The following MYO18B variants were observed in gnomAD, a reference collection of about 807,000 sequenced individuals.
MYO18B encodes unconventional myosin-XVIIIb.
A neutral mutation model predicts 273.0 loss-of-function variants in MYO18B; 204 were observed. The ratio of observed to expected loss-of-function variants is 0.75; its 90% CI spans 0.67 to 0.84. The LOEUF is 0.84. Among genes scored for constraint, MYO18B ranks in the 40% least tolerant of loss-of-function variants. MYO18B has a pLI of 0.00. For missense variants in MYO18B, 3,212 were observed against 3,287.6 expected (o/e 0.98, Z 0.56); for synonymous variants, 1,330 against 1,305.7 (o/e 1.02, Z -0.40).
chr22:25,951,530 ACAAGAGATGGTCTGTG>A (rs990530592), intron 37 of MYO18B, among the ~76,000 whole-genome samples: 1 of 152,224 alleles, frequency 6.6e-6, no homozygotes, highest in Non-Finnish European at 1.5e-5. Flanking sequence ...GGCTCCAAGA[ACAAGAGATGGTCTGTG>A]CAAGACAGGA....
At chr22:25,999,664 C>CTTCTCCTCCTCG (rs1933752896) in intron 40 of MYO18B, among the ~76,000 whole-genome samples, 1 of 149,428 alleles carries the variant, frequency 6.7e-6, no homozygotes, top group Non-Finnish European at 1.5e-5. Flanking sequence ...CCTCCTCCTC[C>CTTCTCCTCCTCG]TTCTCCATCT....
At chr22:25,825,006 CAT>C (rs996607710) in intron 13 of MYO18B, among the ~76,000 whole-genome samples, 14 of 146,468 alleles carry the variant, frequency 9.6e-5, no homozygotes, top group African/African-American at 3.0e-4. Context: ...TATGTGTAAA[CAT>C]GTGCACAGAT....
At chr22:25,793,051 A>G (rs780967191) in intron 11 of MYO18B, among the ~76,000 whole-genome samples, 1 of 152,172 alleles carries the variant, frequency 6.6e-6, no homozygotes, top group Non-Finnish European at 1.5e-5. Flanking sequence ...GCAATGGGGA[A>G]CGGTGTCTCT....
chr22:25,944,051 A>T (rs970313564), intron 34 of MYO18B, among the ~76,000 whole-genome samples: 1 of 152,046 alleles, frequency 6.6e-6, no homozygotes, highest in African/African-American at 2.4e-5. Context: ...GTCTTAGCTT[A>T]AGTGCTTCTC....
At chr22:25,829,126 C>T (rs2089607636) in intron 15 of MYO18B, among the ~76,000 whole-genome samples, 158 bp downstream of exon 15, 1 of 152,214 alleles carries the variant, frequency 6.6e-6, no homozygotes, top group Admixed American at 6.5e-5. Context: ...CTCCCCAGAC[C>T]TCTGTTGCTC....
intron 29 of MYO18B, chr22:25,901,033 C>T (rs1205441546): frequency 2.0e-5 from 3 of 152,226 alleles, no homozygotes; most frequent in African/African-American, 7.2e-5. Context: ...GGACCTGACA[C>T]ACTGGGACTG....
intron 11 of MYO18B, among the ~76,000 whole-genome samples, chr22:25,790,419 C>T (rs1321217978): frequency 3.3e-5 from 5 of 152,210 alleles, no homozygotes; most frequent in Non-Finnish European, 2.9e-5. Flanking sequence ...CCCAAACCTC[C>T]GTCTAAGGAG....
intron 42 of MYO18B, among the ~76,000 whole-genome samples, chr22:26,021,390 A>G (rs757645465): frequency 1.1e-4 from 17 of 152,348 alleles, no homozygotes; most frequent in Middle Eastern, 3.4e-3. Context: ...TAACTTGAAC[A>G]TACATTTTAT....
intron 42 of MYO18B, among the ~76,000 whole-genome samples, chr22:26,007,549 A>G (rs368141884): frequency 4.6e-4 from 70 of 152,334 alleles, no homozygotes; most frequent in African/African-American, 1.6e-3. Flanking sequence ...GCAACCTTCA[A>G]TGTTCAGCCA....
intron 15 of MYO18B, 91 bp from the exon 16 acceptor site, chr22:25,832,826 G>C: frequency 8.9e-7 from 1 of 1,121,210 alleles, no homozygotes; most frequent in East Asian, 2.4e-5. Flanking sequence ...AAGAGGTGAT[G>C]GAAATCCTCT....
the MYO18B span, among the ~76,000 whole-genome samples, chr22:26,054,158 A>G: frequency 7.4e-4 from 113 of 152,324 alleles, no homozygotes; most frequent in Non-Finnish European, 9.3e-4. Context: ...ACTGCTTAGC[A>G]TCACAGAGCA....
intron 38 of MYO18B, among the ~76,000 whole-genome samples, chr22:25,954,404 A>G (rs1012794255): frequency 4.6e-5 from 7 of 151,962 alleles, no homozygotes; most frequent in Middle Eastern, 3.4e-3. Flanking sequence ...TTCTCTCTTC[A>G]TTGCACCAGC....
rs1384717506 is a variant in MYO18B at position 25,994,539 on chromosome 22, A to G, written c.6287+2046A>G. Among the ~76,000 whole-genome samples, 4 of 151,936 alleles carry G rather than the reference A, an allele frequency of 2.6e-5. No individual in the cohort carries two copies. The East Asian group carries it at 7.7e-4, about 29-fold the overall frequency. ...AATAAAAGACTTTGTCTTAAAAAAA[A>G]TTATTCAATTTGTGCAAAAGTGGCT... On this transcript the variant is annotated intron_variant, in intron 40 of 43. Transcript: ENST00000335473.
intron 22 of MYO18B, among the ~76,000 whole-genome samples, chr22:25,872,794 T>G (rs1221094131): frequency 6.6e-6 from 1 of 152,160 alleles, no homozygotes; most frequent in Non-Finnish European, 1.5e-5. Flanking sequence ...CAAAACACAG[T>G]AAGTGCCCCC....
At chr22:25,829,589 A>G (rs1419269188) in intron 15 of MYO18B, among the ~76,000 whole-genome samples, 1 of 151,494 alleles carries the variant, frequency 6.6e-6, no homozygotes, top group Non-Finnish European at 1.5e-5. Flanking sequence ...CCTTAATCCC[A>G]GCACTTTGGG....
intron 39 of MYO18B, among the ~76,000 whole-genome samples, chr22:25,989,767 C>CAAA (rs67095758): frequency 1.1e-4 from 9 of 80,410 alleles, no homozygotes; most frequent in South Asian, 4.7e-4. Flanking sequence ...GACTCCGTCT[C>CAAA]AAAAAAAAAA....
intron 12 of MYO18B, among the ~76,000 whole-genome samples, chr22:25,813,751 C>G (rs2088871258): frequency 6.6e-6 from 1 of 152,178 alleles, no homozygotes; most frequent in Admixed American, 6.5e-5. Flanking sequence ...CCTAAGGGCT[C>G]TAATGGAGAC....
downstream of MYO18B, among the ~76,000 whole-genome samples, chr22:26,034,505 A>G (rs928114485): frequency 3.3e-5 from 5 of 152,368 alleles, no homozygotes; most frequent in South Asian, 1.0e-3. Context: ...ATTGGCAGAT[A>G]GCCTGCAGTA....
At chr22:26,030,419 A>C (rs760023438) in intron 43 of MYO18B, 24 bp from the exon 44 acceptor site, 111 of 153,466 alleles carry the variant, frequency 7.2e-4, no homozygotes, top group Non-Finnish European at 1.2e-3. Flanking sequence ...CCATTCATCA[A>C]CTCTGACCTA....
Sources: allele counts gnomAD v4.1 joint callset (sites outside exome capture counted in the v4.1 genomes callset), GRCh38; gene constraint gnomAD v4.1.1; transcripts MANE v1.5; gene names NCBI Gene and HGNC (gene_info 2026-07-23, HGNC 2026-07-21).